FXYD6: variants seen among roughly 807,000 people sequenced by gnomAD.
FXYD6 encodes FXYD domain-containing ion transport regulator 6.
A neutral mutation model predicts 16.7 loss-of-function variants in FXYD6; 7 were observed. The ratio of observed to expected loss-of-function variants is 0.42; its 90% CI spans 0.24 to 0.79. FXYD6 has a LOEUF of 0.79. FXYD6 is among the 30% of genes least tolerant of loss of function. The pLI is 0.28. For synonymous variants in FXYD6, 49 were observed against 43.0 expected (o/e 1.14, Z -0.54); for missense variants, 111 against 116.2 (o/e 0.95, Z 0.21).
chr11:117,870,084 C>A lies in FXYD6; in HGVS notation c.-6+6508G>T, dbSNP rs956449902. On this transcript the variant is annotated intron_variant, in intron 1 of 7. Coordinates refer to ENST00000526014, the MANE Select transcript of FXYD6 (RefSeq NM_022003.4). This position sits in a 1 kb window ranked among gnomAD's most constrained non-coding sequence, Gnocchi z 4.2. Reference sequence around the variant, plus strand: ...CAACCGTGACACTGTGGCATCCCAGCCATCACCCATGGACTTCTCACAACA... The same window carrying A: ...CAACCGTGACACTGTGGCATCCCAGACATCACCCATGGACTTCTCACAACA... Among the ~76,000 whole-genome samples the A allele has an allele frequency of 1.3e-5, 2 of 152,270 alleles. No individual in the cohort carries two copies. Among genetic ancestry groups the A allele is most frequent in the African/African-American group, 4.8e-5 (2 of 41,468 alleles).
At chr11:117,841,239 C>A (rs2056336153) in intron 4 of FXYD6, 55 bp from the exon 5 acceptor site, 4 of 1,613,060 alleles carry the variant, frequency 2.5e-6, no homozygotes, top group Non-Finnish European at 3.4e-6. Flanking sequence ...CACAGCAGGG[C>A]CAAGGGTCTG....
At chr11:117,838,765 A>G (rs2056260216) in intron 7 of FXYD6, 1 of 183,376 alleles carries the variant, frequency 5.5e-6, no homozygotes, top group Non-Finnish European at 1.2e-5. Context: ...GACGGGAGTA[A>G]TGAGCCCTGC....
At position 117,841,149 on chromosome 11, in the gene FXYD6, G is replaced by C. The variant is rs143269006; in HGVS notation, c.208C>G (p.Arg70Gly). ...AGGCCACTGCCACGGCATCCTTACCGGGGCTTCTGATTGAAACTGCACTTG... is the reference window on the plus strand; with the variant it reads ...AGGCCACTGCCACGGCATCCTTACCCGGGCTTCTGATTGAAACTGCACTTG... ...RCKCSFNQKP[R>G]APGDEEAQVE... The change falls in exon 5 of 8, where the codon CGG becomes GGG. Residue 70 changes from arginine to glycine, a missense_variant and splice_region_variant. Transcript: ENST00000526014. 1 of 1,613,882 alleles carries C rather than the reference G, an allele frequency of 6.2e-7. No individual in the cohort carries two copies. Among genetic ancestry groups the C allele is most frequent in the Non-Finnish European group, 8.5e-7 (1 of 1,179,994 alleles).
In FXYD6 at chr11:117,841,843, C is replaced by A; in HGVS notation, c.120G>T (p.Gly40=). The A allele has an allele frequency of 6.2e-7, 1 of 1,613,950 alleles. No homozygotes were observed. The highest frequency in any genetic ancestry group is 1.6e-4 in the Middle Eastern group (1 of 6,062). The part of the protein sequence containing the change: ...FHYDYQTLRI[G]GLVFAVVLFS... ...AGAGGACCACAGCGAACACCAGTCC[C>A]CCAATCCTCAGGGTCTGGTAATCTG... Residue 40 remains glycine, a synonymous_variant, in exon 4 of 8, where the codon GGG becomes GGT. Transcript: ENST00000526014.
At chr11:117,868,592 T>A (rs1236565804) in intron 1 of FXYD6, among the ~76,000 whole-genome samples, 1 of 151,762 alleles carries the variant, frequency 6.6e-6, no homozygotes, top group Non-Finnish European at 1.5e-5. Context: ...CTGGATGGGA[T>A]CCTAGAACAG....
Position 117,840,106 on chromosome 11 carries a change from C to T in FXYD6, c.259+213G>A, listed in dbSNP as rs1227534097. The T allele has an allele frequency of 3.8e-5, 25 of 661,154 alleles. No individual in the cohort carries two copies. The East Asian group carries it at 6.8e-4, about 18-fold the overall frequency. The allele number at this position is 661,154 out of a possible 1,614,324, so 41.0% of individuals were successfully genotyped here. On this transcript the variant is annotated intron_variant, in intron 6 of 7. Coordinates refer to ENST00000526014, the MANE Select transcript of FXYD6 (RefSeq NM_022003.4). The stretch of plus-strand genomic sequence containing the variant: ...AATGATATGGGGTCTGTGCCTGGCA[C>T]AAGCAGATGCTCTGTAAATAGCAGG...
intron 1 of FXYD6, among the ~76,000 whole-genome samples, chr11:117,846,718 T>C (rs2056478924): frequency 6.6e-6 from 1 of 152,242 alleles, no homozygotes; most frequent in African/African-American, 2.4e-5. Flanking sequence ...TCTTTGGGTC[T>C]CTTGGTCAAT....
chr11:117,840,017 T>C, intron 6 of FXYD6, 187 bp from the exon 7 acceptor site: 2 of 727,202 alleles, frequency 2.8e-6, no homozygotes, highest in South Asian at 1.7e-5. Flanking sequence ...CCTGGTAACC[T>C]CTCTCAGTCC....
intron 4 of FXYD6, 96 bp downstream of exon 4, chr11:117,841,695 T>C: frequency 6.9e-7 from 1 of 1,443,134 alleles, no homozygotes; most frequent in Non-Finnish European, 9.7e-7. Flanking sequence ...TCCTTTCCTC[T>C]CCAGGAGAGG....
intron 1 of FXYD6, among the ~76,000 whole-genome samples, chr11:117,846,644 T>C (rs1591558782): frequency 1.3e-5 from 2 of 152,242 alleles, no homozygotes; most frequent in East Asian, 3.8e-4. Flanking sequence ...TTCCTCATGA[T>C]GGGCTATGCC....
chr11:117,862,297 T>A (rs1171364074), intron 1 of FXYD6, among the ~76,000 whole-genome samples: 1 of 152,198 alleles, frequency 6.6e-6, no homozygotes, highest in Non-Finnish European at 1.5e-5. Context: ...AGCCCTCACG[T>A]CATCCTCCTC....
At chr11:117,867,700 C>T (rs933315755) in intron 1 of FXYD6, among the ~76,000 whole-genome samples, 2 of 152,162 alleles carry the variant, frequency 1.3e-5, no homozygotes, top group Non-Finnish European at 2.9e-5. Context: ...AGATGGTCTA[C>T]GTTCCATCTT....
chr11:117,838,928 ACTTATATAC>A (rs2056268618), intron 7 of FXYD6: 1 of 154,402 alleles, frequency 6.5e-6, no homozygotes, highest in African/African-American at 2.4e-5. Flanking sequence ...TGTGAGATAA[ACTTATATAC>A]CTTTCTATAA....
intron 1 of FXYD6, among the ~76,000 whole-genome samples, chr11:117,869,904 G>A (rs1047128981): frequency 5.3e-5 from 8 of 152,160 alleles, no homozygotes; most frequent in Admixed American, 2.6e-4. Context: ...AGCTGCATGC[G>A]GGTCACTGTC....
chr11:117,842,250 G>T, intron 2 of FXYD6: 1 of 619,170 alleles, frequency 1.6e-6, no homozygotes, highest in Non-Finnish European at 2.8e-6. Flanking sequence ...ACTCAGTGAG[G>T]CTCTGAGTCA....
chr11:117,840,217 A>G (rs914722309), intron 6 of FXYD6, 102 bp downstream of exon 6: 2 of 1,499,088 alleles, frequency 1.3e-6, no homozygotes, highest in African/African-American at 1.4e-5. Flanking sequence ...CTGCGGGAGC[A>G]TGTCTGGCTG....
chr11:117,867,337 C>T (rs1304455888), intron 1 of FXYD6, among the ~76,000 whole-genome samples: 1 of 152,242 alleles, frequency 6.6e-6, no homozygotes. Context: ...GGCTTCCTCT[C>T]TCCTTCCCCA....
At chr11:117,855,152 CTCT>C (rs1161706742) in intron 1 of FXYD6, among the ~76,000 whole-genome samples, 1 of 152,182 alleles carries the variant, frequency 6.6e-6, no homozygotes, top group East Asian at 1.9e-4. Flanking sequence ...ATTGCAGAGG[CTCT>C]TGAGTGCCAA....
At chr11:117,865,819 C>T (rs112578063) in intron 1 of FXYD6, among the ~76,000 whole-genome samples, 190 of 151,890 alleles carry the variant, frequency 1.3e-3, no homozygotes, top group African/African-American at 4.4e-3. Flanking sequence ...TCCAGCTACC[C>T]GGGAGGCTGA....
Sources: allele counts gnomAD v4.1 joint callset (sites outside exome capture counted in the v4.1 genomes callset), GRCh38; gene constraint gnomAD v4.1.1; non-coding constraint Gnocchi (gnomAD v3.1); transcripts MANE v1.5; gene names NCBI Gene and HGNC (gene_info 2026-07-23, HGNC 2026-07-21).